DNAH11: variants seen among roughly 807,000 people sequenced by gnomAD.
DNAH11 encodes axonemal beta dynein heavy chain 11.
A neutral mutation model predicts 526.0 loss-of-function variants in DNAH11; 442 were observed. The observed-to-expected ratio is 0.84, with a 90% CI of 0.78 to 0.91. The LOEUF (loss-of-function observed/expected upper bound fraction) is 0.91, where lower values mean the gene tolerates loss of function less well. Ranked by LOEUF, DNAH11 falls within the 40% of genes least tolerant of loss-of-function variation. DNAH11 has a pLI of 0.00. For synonymous variants in DNAH11, 2,461 were observed against 1,935.9 expected, an observed-to-expected ratio of 1.27 and a Z score of -7.12; for missense variants, 6,989 against 5,448.7, an observed-to-expected ratio of 1.28 and a Z score of -8.90.
intron 20 of DNAH11, among the ~76,000 whole-genome samples, chr7:21,613,665 G>A (rs1785635265): frequency 1.3e-5 from 2 of 152,174 alleles, no homozygotes; most frequent in Non-Finnish European, 2.9e-5. Context: ...GAAAATTGCT[G>A]AGTAGATTTT....
rs1449566001 is a variant in DNAH11, at chr7:21,687,110, C to T, written c.5633C>T (p.Thr1878Ile). The change falls in exon 33 of 82, where the codon ACC (threonine) becomes ATC (isoleucine). Residue 1878 changes from threonine (T) to isoleucine (I), a missense_variant. By Grantham distance (89) the Thr-to-Ile change is moderately conservative. Coordinates refer to ENST00000409508, the MANE Select transcript of DNAH11 (RefSeq NM_001277115.2). ...TCTATTGCTTAAAGGTGTTATATTA[C>T]CTTAACTCAATCACTTCATCTAACC... ...ITPLTDRCYI[T>I]LTQSLHLTMS... is the part of the protein sequence containing the mutation. The T allele has an allele frequency of 3.1e-6, 5 of 1,612,756 alleles. No homozygotes were observed. The Admixed American group carries it at 6.7e-5, about 22-fold the overall frequency.
At chr7:21,664,825 G>A (rs1213712753) in intron 30 of DNAH11, among the ~76,000 whole-genome samples, 1 of 151,996 alleles carries the variant, frequency 6.6e-6, no homozygotes, top group Non-Finnish European at 1.5e-5. Flanking sequence ...GGGTTAATTT[G>A]GATGCTTCAG....
intron 42 of DNAH11, among the ~76,000 whole-genome samples, chr7:21,715,472 C>A (rs1583621034): frequency 6.6e-6 from 1 of 152,250 alleles, no homozygotes; most frequent in African/African-American, 2.4e-5. Flanking sequence ...GTAGCCATTT[C>A]CTGAGGTGGG....
At chr7:21,780,008 A>G (rs571979085) in intron 57 of DNAH11, among the ~76,000 whole-genome samples, 7 of 133,172 alleles carry the variant, frequency 5.3e-5, no homozygotes, top group South Asian at 5.0e-4. Context: ...CCATTCATAT[A>G]CAATTGAGTT....
intron 58 of DNAH11, among the ~76,000 whole-genome samples, chr7:21,786,072 C>A (rs1017604218): frequency 1.3e-5 from 2 of 152,176 alleles, no homozygotes; most frequent in Non-Finnish European, 2.9e-5. Context: ...TCAGTGGCAT[C>A]ACCTGAGGAG....
intron 25 of DNAH11, among the ~76,000 whole-genome samples, chr7:21,629,914 T>C (rs569381935): frequency 4.1e-4 from 63 of 152,286 alleles, no homozygotes; most frequent in African/African-American, 1.5e-3. Flanking sequence ...AGTCCATTTA[T>C]GGTGAGTGTT....
intron 44 of DNAH11, among the ~76,000 whole-genome samples, chr7:21,725,206 G>C (rs1446825796): frequency 6.6e-6 from 1 of 152,112 alleles, no homozygotes; most frequent in Admixed American, 6.5e-5. Flanking sequence ...CCTTAGATTT[G>C]GTCTGGTGGG....
rs563123099 is a variant in DNAH11 at position 21,748,564 on chromosome 7, C to T, written c.8511-16C>T. 87 of 1,481,656 alleles carry T rather than the reference C, an allele frequency of 5.9e-5. No individual in the cohort carries two copies. The highest frequency in any genetic ancestry group is 9.9e-5 in the African/African-American group (7 of 70,628). The allele number at this position is 1,481,656 out of a possible 1,614,324, so 91.8% of individuals were successfully genotyped here. The stretch of plus-strand genomic sequence containing the variant: ...ATTTTCGATTTTGTGCCATAATGGG[C>T]GCTTCCTTTCCTCAGGTGTCGCATC... On this transcript the variant is annotated splice_polypyrimidine_tract_variant and intron_variant, in intron 51 of 81. Coordinates refer to ENST00000409508, the MANE Select transcript of DNAH11 (RefSeq NM_001277115.2).
intron 81 of DNAH11, 145 bp downstream of exon 81, chr7:21,900,265 A>T: frequency 1.0e-6 from 1 of 999,652 alleles, no homozygotes; most frequent in South Asian, 2.9e-5. Context: ...CTCTTAAATA[A>T]TTTAAGTGCT....
chr7:21,578,923 C>T (rs1355782730), intron 8 of DNAH11, among the ~76,000 whole-genome samples: 2 of 152,196 alleles, frequency 1.3e-5, no homozygotes, highest in African/African-American at 4.8e-5. Flanking sequence ...TTAAATGGTA[C>T]ATATAATGGG....
Position 21,864,610 on chromosome 7 carries a change from C to T in DNAH11, c.11449C>T (p.Leu3817=), listed in dbSNP as rs902179397. Reference sequence around the variant, plus strand: ...TCGATTCACAGTTGAACACACTCATCTGAGTCCCGTTGACTTCCTAACTTC... The same window carrying T: ...TCGATTCACAGTTGAACACACTCATTTGAGTCCCGTTGACTTCCTAACTTC... ...LLRFTVEHTH[L]SPVDFLTSQS... The change falls in exon 70 of 82, where the codon CTG becomes TTG. Residue 3817 remains leucine (L), a synonymous_variant. Transcript: ENST00000409508. The T allele has an allele frequency of 7.5e-6, 12 of 1,609,914 alleles. No individual in the cohort carries two copies. The highest frequency in any genetic ancestry group is 8.5e-6 in the Non-Finnish European group (10 of 1,177,948).
At chr7:21,619,528 G>A (rs938943800) in intron 24 of DNAH11, among the ~76,000 whole-genome samples, 3 of 152,176 alleles carry the variant, frequency 2.0e-5, no homozygotes, top group Non-Finnish European at 2.9e-5. Flanking sequence ...TCTGAGGTAA[G>A]TAATAGTATC....
intron 40 of DNAH11, among the ~76,000 whole-genome samples, 151 bp downstream of exon 40, chr7:21,707,986 T>C (rs996818022): frequency 6.6e-6 from 1 of 152,234 alleles, no homozygotes; most frequent in Non-Finnish European, 1.5e-5. Context: ...ATTTATAATG[T>C]ATAAATTAAG....
intron 79 of DNAH11, among the ~76,000 whole-genome samples, chr7:21,898,861 C>A (rs1024226044): frequency 1.3e-5 from 2 of 152,208 alleles, no homozygotes; most frequent in African/African-American, 4.8e-5. Flanking sequence ...ACTGCCGTCA[C>A]GTGCTCCACT....
chr7:21,689,454 G>A (rs1217364620), intron 34 of DNAH11, among the ~76,000 whole-genome samples: 1 of 152,192 alleles, frequency 6.6e-6, no homozygotes, highest in Admixed American at 6.5e-5. Flanking sequence ...CTGTACACAT[G>A]AAGATTTAAG....
At chr7:21,567,095 T>A (rs891288950) in intron 6 of DNAH11, among the ~76,000 whole-genome samples, 2 of 152,202 alleles carry the variant, frequency 1.3e-5, no homozygotes, top group Non-Finnish European at 2.9e-5. Context: ...TTTAATACTT[T>A]CAAATTATTT....
intron 62 of DNAH11, among the ~76,000 whole-genome samples, chr7:21,805,885 G>GA (rs1174513620): frequency 2.6e-5 from 4 of 152,128 alleles, no homozygotes; most frequent in African/African-American, 4.8e-5. Context: ...GTTAACTTCT[G>GA]AAAAACATCA....
intron 74 of DNAH11, among the ~76,000 whole-genome samples, chr7:21,876,265 A>G (rs905618112): frequency 1.3e-5 from 2 of 152,340 alleles, no homozygotes; most frequent in East Asian, 1.9e-4. Context: ...AAAAGCAAAG[A>G]TAACCAAAGT....
At chr7:21,880,324 A>G (rs937507669) in intron 74 of DNAH11, among the ~76,000 whole-genome samples, 1 of 152,164 alleles carries the variant, frequency 6.6e-6, no homozygotes, top group African/African-American at 2.4e-5. Context: ...CATTCTCCCA[A>G]CCGTAATAGC....
Sources: gnomAD v4.1 joint callset for allele counts (sites outside exome capture counted in the v4.1 genomes callset) on GRCh38, gnomAD v4.1.1 for gene constraint, MANE v1.5 for transcripts, NCBI Gene and HGNC (gene_info 2026-07-23, HGNC 2026-07-21) for gene names.